Variants in ATP2B4 observed in about 807,000 individuals in gnomAD.
ATP2B4 encodes ATPase plasma membrane Ca2+ transporting 4.
ATP2B4 carries 39 observed loss-of-function variants against 110.3 expected under a neutral mutation model. The ratio of observed to expected loss-of-function variants is 0.35; its 90% CI spans 0.27 to 0.46. ATP2B4 has a LOEUF of 0.46. Among genes scored for constraint, ATP2B4 ranks in the 20% least tolerant of loss-of-function variants. ATP2B4 has a pLI of 1.00. For missense variants in ATP2B4, 1,135 were observed against 1,530.9 expected, an observed-to-expected ratio of 0.74 and a Z score of 4.32; for synonymous variants, 538 against 571.7, an observed-to-expected ratio of 0.94 and a Z score of 0.84.
chr1:203,687,102 G>T (rs2365860), intron 2 of ATP2B4, among the ~76,000 whole-genome samples: 125,034 of 150,052 alleles, frequency 0.83, 52,897 homozygotes, highest in East Asian at 1. Flanking sequence ...CCAGTTTGTA[G>T]TAATGTAAGA....
chr1:203,739,651 G>A lies in ATP2B4; in HGVS notation c.3415G>A (p.Glu1139Lys), dbSNP rs374356376. The A allele has an allele frequency of 2.5e-6, 4 of 1,614,162 alleles. No homozygotes were observed. Among genetic ancestry groups the A allele is most frequent in the African/African-American group, 1.3e-5 (1 of 75,034 alleles). The change falls in exon 21 of 21, where the codon GAG (glutamate) becomes AAG (lysine). Residue 1139 changes from glutamate (E) to lysine (K), a missense_variant. Coordinates refer to ENST00000357681, the MANE Select transcript of ATP2B4 (RefSeq NM_001684.5). ...CATGACCCACCCTGAATTCGCCATA[G>A]AGGAGGAGTTGCCACGAACACCACT... ...SFMTHPEFAI[E>K]EELPRTPLLD...
At chr1:203,721,520 C>T (rs1666331643) in intron 17 of ATP2B4, 110 bp downstream of exon 17, 1 of 1,076,464 alleles carries the variant, frequency 9.3e-7, no homozygotes, top group Non-Finnish European at 1.4e-6. Flanking sequence ...CGCAGCTTCA[C>T]CTCCCAGTGC....
chr1:203,684,131 T>TA (rs147546926), intron 2 of ATP2B4, among the ~76,000 whole-genome samples: 3,545 of 152,304 alleles, frequency 0.023, 58 homozygotes, highest in Non-Finnish European at 0.037. Context: ...ACACTGATCT[T>TA]ACAGTTTAAT....
At chr1:203,636,097 G>A (rs1285537428) in intron 1 of ATP2B4, among the ~76,000 whole-genome samples, 1 of 152,236 alleles carries the variant, frequency 6.6e-6, no homozygotes, top group Non-Finnish European at 1.5e-5. Context: ...CTTTTGAGGA[G>A]ACAGGTCCCA....
chr1:203,711,335 A>G (rs1201621559), intron 12 of ATP2B4, among the ~76,000 whole-genome samples: 1 of 152,156 alleles, frequency 6.6e-6, no homozygotes, highest in African/African-American at 2.4e-5. Flanking sequence ...TGGGCTCATT[A>G]TTTGGTACTT....
chr1:203,724,995 A>C (rs1282537712), intron 19 of ATP2B4, among the ~76,000 whole-genome samples: 1 of 149,082 alleles, frequency 6.7e-6, no homozygotes, highest in African/African-American at 2.5e-5. Flanking sequence ...CTCCTGCCTC[A>C]GCCTCCCAAG....
intron 1 of ATP2B4, among the ~76,000 whole-genome samples, chr1:203,663,438 G>GAC (rs1189967139): frequency 1.3e-5 from 2 of 151,796 alleles, no homozygotes; most frequent in Non-Finnish European, 2.9e-5. Flanking sequence ...CAAGAAGAAT[G>GAC]ACACACACAC....
At position 203,743,112 on chromosome 1, in the gene ATP2B4, T is replaced by C. The variant is rs932184682; in HGVS notation, c.*3258T>C. ...GTTCTTTAGGGTTTGAGTTTCTTCT[T>C]CCCCTTGAGCTTCAGAGAGGAGAGT... On this transcript the variant is annotated 3_prime_UTR_variant, in exon 21 of 21. Coordinates refer to ENST00000357681, the MANE Select transcript of ATP2B4 (RefSeq NM_001684.5). 6.6e-6 allele frequency: 1 copy of C among 152,666 alleles called. No homozygotes were observed. The highest frequency in any genetic ancestry group is 1.5e-5 in the Non-Finnish European group (1 of 68,068). The allele number at this position is 152,666 out of a possible 1,614,324, so 9.5% of individuals were successfully genotyped here.
intron 1 of ATP2B4, among the ~76,000 whole-genome samples, chr1:203,631,114 A>C (rs2102291602): frequency 6.6e-6 from 1 of 152,372 alleles, no homozygotes; most frequent in East Asian, 1.9e-4. Context: ...GAGGGAAACC[A>C]GGCAGGATCT....
intron 4 of ATP2B4, 103 bp from the exon 5 acceptor site, chr1:203,700,103 A>G: frequency 1.4e-6 from 2 of 1,395,284 alleles, no homozygotes; most frequent in South Asian, 2.7e-5. Context: ...GATAGGGCCC[A>G]TGGGAACAGC....
At chr1:203,657,433 T>C (rs1175088984) in intron 1 of ATP2B4, 2 of 780,326 alleles carry the variant, frequency 2.6e-6, no homozygotes, top group East Asian at 2.4e-5. Flanking sequence ...TGTTTAATCA[T>C]ATTGGAAAGT....
chr1:203,670,166 A>G (rs1274702449), intron 1 of ATP2B4, among the ~76,000 whole-genome samples: 1 of 65,210 alleles, frequency 1.5e-5, no homozygotes, highest in East Asian at 5.0e-4. Flanking sequence ...GCTTGAGTTC[A>G]TACTCTTTTT....
In ATP2B4 at chr1:203,707,882, C is replaced by G; in HGVS notation, c.1335C>G (p.Asn445Lys). The G allele has an allele frequency of 6.2e-7, 1 of 1,614,178 alleles. No homozygotes were observed. Among genetic ancestry groups the G allele is most frequent in the Non-Finnish European group, 8.5e-7 (1 of 1,180,036 alleles). The change falls in exon 10 of 21, where the codon AAC becomes AAG. Residue 445 changes from asparagine to lysine, a missense_variant. Physicochemically the swap from Asn to Lys is moderately conservative, Grantham distance 94. Transcript: ENST00000357681. Reference sequence around the variant, plus strand: ...TGTAGAAAATGATGAAAGACAATAACCTAGTACGGCACTTGGATGCTTGTG... The same window carrying G: ...TGTAGAAAATGATGAAAGACAATAAGCTAGTACGGCACTTGGATGCTTGTG... ...YSVKKMMKDN[N>K]LVRHLDACET...
chr1:203,739,555 G>C lies in ATP2B4; in HGVS notation c.3319G>C (p.Val1107Leu). 6.2e-7 allele frequency: 1 copy of C among 1,613,582 alleles called. No homozygotes were observed. The highest frequency in any genetic ancestry group is 8.5e-7 in the Non-Finnish European group (1 of 1,179,754). Residue 1107 changes from valine (V) to leucine (L), a missense_variant, in exon 21 of 21, where the codon GTC (valine) becomes CTC (leucine). Around this residue, in one of 9 missense-constraint regions of ATP2B4, gnomAD observed 61 missense variants for 123.4 expected, o/e 0.49. Coordinates refer to ENST00000357681, the MANE Select transcript of ATP2B4 (RefSeq NM_001684.5). ...CCTTCCCCTGGTATAGATCAAAGTG[G>C]TCAAAGCGTTCCATAGTTCCCTCCA... ...LNRIQTQIKV[V>L]KAFHSSLHES...
chr1:203,681,742 G>A (rs1327752033), intron 1 of ATP2B4, among the ~76,000 whole-genome samples: 1 of 152,048 alleles, frequency 6.6e-6, no homozygotes, highest in Non-Finnish European at 1.5e-5. Context: ...TCTCTCTGGT[G>A]CCTTTATTGA....
At chr1:203,677,038 C>A (rs908800910) in intron 1 of ATP2B4, among the ~76,000 whole-genome samples, 1 of 152,024 alleles carries the variant, frequency 6.6e-6, no homozygotes, top group East Asian at 1.9e-4. Flanking sequence ...TTTTTTATAT[C>A]ATTGTTCTTG....
chr1:203,733,878 G>T (rs1666805853), intron 20 of ATP2B4, among the ~76,000 whole-genome samples: 1 of 152,176 alleles, frequency 6.6e-6, no homozygotes, highest in East Asian at 1.9e-4. Flanking sequence ...TTGAGGAAAG[G>T]TAGGAAGGGA....
chr1:203,741,989 G>A lies in ATP2B4; in HGVS notation c.*2135G>A, dbSNP rs1019310918. 2 of 152,744 alleles carry A rather than the reference G, an allele frequency of 1.3e-5. No individual in the cohort carries two copies. The highest frequency in any genetic ancestry group is 1.5e-5 in the Non-Finnish European group (1 of 68,022). 9.5% of individuals were successfully genotyped at this position (152,744 alleles called of 1,614,324 possible). A position where few individuals can be genotyped will look rare whatever the true frequency, so the allele number is the denominator to read the frequency against. On this transcript the variant is annotated 3_prime_UTR_variant, in exon 21 of 21. Transcript: ENST00000357681. Reference sequence around the variant, plus strand: ...CCTGTTCACAAAAGGTTCTCATGGTGCCTGACAGGTTACCCTTGAGGGCTT... The same window carrying A: ...CCTGTTCACAAAAGGTTCTCATGGTACCTGACAGGTTACCCTTGAGGGCTT...
rs763533033 is a variant in ATP2B4 at position 203,707,243 on chromosome 1, A to C, written c.1314+20A>C. 6.9e-6 allele frequency: 11 copies of C among 1,596,804 alleles called. No individual in the cohort carries two copies. Among genetic ancestry groups the C allele is most frequent in the Non-Finnish European group, 9.4e-6 (11 of 1,166,678 alleles). ...GTGAAGGTGAGACTAGAACAATCCT[A>C]TCTCTTCCTTTAGGATAGAGATGGG... On this transcript the variant is annotated intron_variant, in intron 9 of 20. Transcript: ENST00000357681.
Sources: allele counts gnomAD v4.1 joint callset (sites outside exome capture counted in the v4.1 genomes callset), GRCh38; gene constraint gnomAD v4.1.1; regional missense constraint gnomAD v4.1.1; transcripts MANE v1.5; gene names NCBI Gene and HGNC (gene_info 2026-07-23, HGNC 2026-07-21).